CFAP77: variants seen among roughly 807,000 people sequenced by gnomAD.
The protein encoded by CFAP77 is cilia- and flagella-associated protein 77.
A neutral mutation model predicts 31.1 loss-of-function variants in CFAP77; 25 were observed. The ratio of observed to expected loss-of-function variants is 0.80; its 90% CI spans 0.59 to 1.12. The LOEUF is 1.12. Ranked by LOEUF, CFAP77 falls within the 50% of genes most tolerant of loss-of-function variation. The probability of loss-of-function intolerance (pLI) is 0.00; values close to 1 mark genes in which losing one functional copy is unlikely to be tolerated. For synonymous variants in CFAP77, 151 were observed against 159.9 expected, an observed-to-expected ratio of 0.94 and a Z score of 0.42; for missense variants, 377 against 397.3, an observed-to-expected ratio of 0.95 and a Z score of 0.44.
At chr9:132,432,874 C>T (rs916718191) in intron 1 of CFAP77, among the ~76,000 whole-genome samples, 3 of 144,330 alleles carry the variant, frequency 2.1e-5, no homozygotes, top group Non-Finnish European at 4.6e-5. Flanking sequence ...CCACCACGCC[C>T]AGCTAATTTT....
rs1430337932 is a variant in CFAP77, at chr9:132,554,973, CATCCATCCATCCATCCTCAGCCATCT to C, written c.732+11927_732+11952del. ...CCATCCATCCATCCATCCATCCATC[CATCCATCCATCCATCCTCAGCCATCT>C]GTCCATCTGTTTGTTCATCCAACCA... is the stretch of plus-strand genomic sequence containing the variant. On this transcript the variant is annotated intron_variant, in intron 5 of 5. Coordinates refer to ENST00000393216, the MANE Select transcript of CFAP77 (RefSeq NM_001282957.2). The surrounding 1 kb of genome is among the most constrained non-coding windows in gnomAD (Gnocchi z 4.1). 1.1e-4 allele frequency among the ~76,000 whole-genome samples: 16 copies of C among 151,764 alleles called. No homozygotes were observed. Among genetic ancestry groups the C allele is most frequent in the African/African-American group, 3.6e-4 (15 of 41,194 alleles).
At chr9:132,510,498 C>T (rs1852017209) in intron 3 of CFAP77, among the ~76,000 whole-genome samples, 1 of 152,234 alleles carries the variant, frequency 6.6e-6, no homozygotes, top group Admixed American at 6.5e-5. Flanking sequence ...AGCCAGCCGG[C>T]ACCTCCCTGG....
intron 1 of CFAP77, among the ~76,000 whole-genome samples, chr9:132,491,189 C>T (rs1447471040): frequency 2.0e-5 from 3 of 152,146 alleles, no homozygotes; most frequent in South Asian, 2.1e-4. Context: ...AATCTGTGGC[C>T]GGGCATGGTG....
rs1241440268 is a variant in CFAP77 at position 132,545,763 on chromosome 9, T to C, written c.732+2716T>C. Reference sequence around the variant, plus strand: ...CCGGCGCTGAGCAGGTCTCATCTCATAGATATCATGCCCCCATTCTACTGA... The same window carrying C: ...CCGGCGCTGAGCAGGTCTCATCTCACAGATATCATGCCCCCATTCTACTGA... On this transcript the variant is annotated intron_variant, in intron 5 of 5. Transcript: ENST00000393216. The surrounding 1 kb of genome is among the most constrained non-coding windows in gnomAD (Gnocchi z 4.6). Among the ~76,000 whole-genome samples, 2 of 152,192 alleles carry C rather than the reference T, an allele frequency of 1.3e-5. No individual in the cohort carries two copies.
intron 3 of CFAP77, among the ~76,000 whole-genome samples, chr9:132,522,079 T>A (rs915303289): frequency 5.3e-5 from 8 of 152,056 alleles, no homozygotes; most frequent in Non-Finnish European, 8.8e-5. Flanking sequence ...TGCATTTTTT[T>A]AAAAAGCCCT....
At chr9:132,462,322 T>C (rs542228159) in intron 1 of CFAP77, among the ~76,000 whole-genome samples, 3 of 152,296 alleles carry the variant, frequency 2.0e-5, no homozygotes, top group African/African-American at 7.2e-5. Flanking sequence ...TTTGTTTGCT[T>C]GTTTTGTTTT....
chr9:132,422,013 C>CTTTTTTTTTTTTTTTTTTT (rs1234375855), intron 1 of CFAP77, among the ~76,000 whole-genome samples: 1 of 143,810 alleles, frequency 7.0e-6, no homozygotes, highest in African/African-American at 2.5e-5. Flanking sequence ...TCCCAGGTGG[C>CTTTTTTTTTTTTTTTTTTT]TTTTTTTTTT....
Position 132,511,787 on chromosome 9 carries a change from G to A in CFAP77, c.524+12187G>A, listed in dbSNP as rs1260009714. ...AACAAAAATGAAGCGGCCGCGCGGC[G>A]GCTCACGCCTGTCATCCCAGCACTG... On this transcript the variant is annotated intron_variant, in intron 3 of 5. Transcript: ENST00000393216. This position sits in a 1 kb window ranked among gnomAD's most constrained non-coding sequence, Gnocchi z 5.8. 1.3e-5 allele frequency among the ~76,000 whole-genome samples: 2 copies of A among 152,158 alleles called. No homozygotes were observed. Among genetic ancestry groups the A allele is most frequent in the Non-Finnish European group, 2.9e-5 (2 of 67,992 alleles).
intron 1 of CFAP77, among the ~76,000 whole-genome samples, chr9:132,413,445 G>C (rs1850044269): frequency 6.6e-6 from 1 of 152,206 alleles, no homozygotes; most frequent in African/African-American, 2.4e-5. Context: ...TTTTCCATTA[G>C]AAAGGGTTTC....
intron 1 of CFAP77, among the ~76,000 whole-genome samples, chr9:132,440,795 C>T (rs777276810): frequency 1.1e-4 from 17 of 152,164 alleles, no homozygotes; most frequent in Non-Finnish European, 2.1e-4. Context: ...GTAGGGACTT[C>T]GATAACCCAT....
chr9:132,457,838 C>T (rs1203973147), intron 1 of CFAP77, among the ~76,000 whole-genome samples: 1 of 152,212 alleles, frequency 6.6e-6, no homozygotes, highest in East Asian at 1.9e-4. Context: ...AGACGCGTGC[C>T]TGTGATTCTC....
chr9:132,549,346 C>T (rs1852788009), intron 5 of CFAP77, among the ~76,000 whole-genome samples: 2 of 152,218 alleles, frequency 1.3e-5, no homozygotes, highest in Admixed American at 1.3e-4. Context: ...CTGTCGCTTC[C>T]TTGCATCGGA....
chr9:132,536,893 C>G (rs1019517367), intron 3 of CFAP77, among the ~76,000 whole-genome samples: 1 of 152,132 alleles, frequency 6.6e-6, no homozygotes, highest in Non-Finnish European at 1.5e-5. Context: ...GGGAATAATA[C>G]TAGTATCCAT....
rs28630369 is a variant in CFAP77 at position 132,459,754 on chromosome 9, A to G, written c.196-38941A>G. On this transcript the variant is annotated intron_variant, in intron 1 of 5. Transcript: ENST00000393216. ...TGTATATGTGTGTGAGTGTGTGTGT[A>G]TGTGTGTGTATGAGTGTGTGTGAGA... Among the ~76,000 whole-genome samples, 220 of 132,254 alleles carry G rather than the reference A, an allele frequency of 1.7e-3. 1 individual carries two copies. Among genetic ancestry groups the G allele is most frequent in the African/African-American group, 7.1e-3 (204 of 28,680 alleles). 86.8% of individuals were successfully genotyped at this position (132,254 alleles called of 152,430 possible).
intron 3 of CFAP77, among the ~76,000 whole-genome samples, chr9:132,509,875 C>T (rs1255117419): frequency 6.6e-6 from 1 of 152,164 alleles, no homozygotes; most frequent in East Asian, 1.9e-4. Flanking sequence ...GAAGCCCAGC[C>T]TCCCTGGGGC....
In CFAP77 at chr9:132,455,271, C is replaced by T. The variant is rs976265024; in HGVS notation, c.196-43424C>T. Reference sequence around the variant, plus strand: ...CCTGTAATCCCAGCACTTTGGGAGGCCGAGGCGGGTGGATCACCTGAGGTC... The same window carrying T: ...CCTGTAATCCCAGCACTTTGGGAGGTCGAGGCGGGTGGATCACCTGAGGTC... On this transcript the variant is annotated intron_variant, in intron 1 of 5. Transcript: ENST00000393216. This position sits in a 1 kb window ranked among gnomAD's most constrained non-coding sequence, Gnocchi z 4.1. Among the ~76,000 whole-genome samples, 17 of 152,104 alleles carry T rather than the reference C, an allele frequency of 1.1e-4. No individual in the cohort carries two copies. The highest frequency in any genetic ancestry group is 4.1e-4 in the African/African-American group (17 of 41,420).
intron 1 of CFAP77, among the ~76,000 whole-genome samples, chr9:132,461,265 T>G (rs1171214299): frequency 6.6e-6 from 1 of 152,174 alleles, no homozygotes; most frequent in Non-Finnish European, 1.5e-5. Context: ...GCCCCTCGTT[T>G]TGGGGTTAGA....
chr9:132,444,625 C>T (rs1408057905), intron 1 of CFAP77, among the ~76,000 whole-genome samples: 3 of 152,042 alleles, frequency 2.0e-5, no homozygotes, highest in Non-Finnish European at 2.9e-5. Context: ...TGTGGTCTCC[C>T]GAAATCGTGC....
intron 3 of CFAP77, among the ~76,000 whole-genome samples, chr9:132,515,002 C>A (rs4962185): frequency 1.3e-5 from 2 of 152,024 alleles, no homozygotes; most frequent in East Asian, 1.9e-4. Flanking sequence ...ACAGAAGTGC[C>A]GGGGGCCAGC....
Sources: gnomAD v4.1 joint callset for allele counts (sites outside exome capture counted in the v4.1 genomes callset) on GRCh38, gnomAD v4.1.1 for gene constraint, Gnocchi (gnomAD v3.1) non-coding constraint, MANE v1.5 for transcripts, NCBI Gene and HGNC (gene_info 2026-07-23, HGNC 2026-07-21) for gene names.